DOCK3: variants seen among roughly 807,000 people sequenced by gnomAD.
The protein encoded by DOCK3 is dedicator of cytokinesis protein 3.
Under a neutral mutation model 265.6 loss-of-function variants are expected in DOCK3, and 60 were observed. The ratio of observed to expected loss-of-function variants is 0.23; its 90% confidence interval spans 0.18 to 0.28. The LOEUF is 0.28. DOCK3 is among the 10% of genes least tolerant of loss of function. DOCK3 has a pLI of 1.00. For missense variants in DOCK3, 1,981 were observed against 2,594.3 expected (o/e 0.76, Z 5.14); for synonymous variants, 881 against 938.0 (o/e 0.94, Z 1.11).
rs9874583 is a variant in DOCK3, at chr3:50,970,966, G to A, written c.315+36889G>A. Among the ~76,000 whole-genome samples, 182 of 27,084 alleles carry A rather than the reference G, an allele frequency of 6.7e-3. 9 individuals carry two copies. Among genetic ancestry groups the A allele is most frequent in the East Asian group, 0.015 (7 of 476 alleles). The allele number at this position is 27,084 out of a possible 152,430, so 17.8% of individuals were successfully genotyped here. A position where few individuals can be genotyped will look rare whatever the true frequency, so the allele number is the denominator to read the frequency against. ...ATATATAATGTGTGTGTGTGTGTGT[G>A]TATATATATATATTTTTTTTATTTT... On this transcript the variant is annotated intron_variant, in intron 5 of 52. Coordinates refer to ENST00000266037, the MANE Select transcript of DOCK3 (RefSeq NM_004947.5).
chr3:51,314,411 G>T (rs2083254233), intron 31 of DOCK3, among the ~76,000 whole-genome samples: 1 of 152,160 alleles, frequency 6.6e-6, no homozygotes, highest in Admixed American at 6.5e-5. Flanking sequence ...TTTAGGGTAG[G>T]GCTGTGCAGG....
At chr3:50,784,520 A>G (rs1009303913) in intron 2 of DOCK3, among the ~76,000 whole-genome samples, 1 of 152,020 alleles carries the variant, frequency 6.6e-6, no homozygotes, top group Non-Finnish European at 1.5e-5. Flanking sequence ...TATGAATTGT[A>G]GATTTGTTTT....
chr3:50,917,298 G>A (rs984778052), intron 4 of DOCK3, among the ~76,000 whole-genome samples: 2 of 152,118 alleles, frequency 1.3e-5, no homozygotes, highest in South Asian at 4.2e-4. Context: ...AAATGTCTGG[G>A]CCTGCTATCT....
At position 51,089,278 on chromosome 3, in the gene DOCK3, A is replaced by G. The variant is rs773337006; in HGVS notation, c.585A>G (p.Thr195=). ...GCCGGCAGAGTGTACAGCAAAGCAC[A>G]TCCCAGGTAAGCGGCTTTCCTGGGT... ...LSSRQSVQQS[T]SQVDTMRPRH... is the part of the protein sequence containing the mutation. The change falls in exon 8 of 53, where the codon ACA becomes ACG. Residue 195 remains threonine (T), a synonymous_variant. Coordinates refer to ENST00000266037, the MANE Select transcript of DOCK3 (RefSeq NM_004947.5). 1.2e-5 allele frequency: 19 copies of G among 1,609,556 alleles called. No homozygotes were observed. Among genetic ancestry groups the G allele is most frequent in the Admixed American group, 1.2e-4 (7 of 59,450 alleles).
chr3:50,903,553 T>C (rs1019732692), intron 4 of DOCK3, among the ~76,000 whole-genome samples: 1 of 152,322 alleles, frequency 6.6e-6, no homozygotes, highest in Non-Finnish European at 1.5e-5. Context: ...GATGATCTGC[T>C]GGATTCAATT....
intron 5 of DOCK3, among the ~76,000 whole-genome samples, chr3:51,024,169 G>C (rs948748390): frequency 6.6e-6 from 1 of 152,040 alleles, no homozygotes; most frequent in Non-Finnish European, 1.5e-5. Flanking sequence ...GAAAGTCTTT[G>C]TGCAATGGCT....
At chr3:51,228,560 T>A (rs1458888609) in intron 17 of DOCK3, 101 bp from the exon 18 acceptor site, 1 of 1,347,472 alleles carries the variant, frequency 7.4e-7, no homozygotes, top group Non-Finnish European at 1.0e-6. Flanking sequence ...ACGTTCAGCC[T>A]TAGGAAGATG....
chr3:51,291,264 C>T (rs747986514), intron 27 of DOCK3, among the ~76,000 whole-genome samples: 10 of 151,538 alleles, frequency 6.6e-5, no homozygotes, highest in Non-Finnish European at 1.5e-4. Context: ...AAAAAACTAA[C>T]CCCAAAGTTA....
chr3:50,692,405 C>A (rs533739557), intron 1 of DOCK3, among the ~76,000 whole-genome samples: 2 of 152,084 alleles, frequency 1.3e-5, no homozygotes, highest in African/African-American at 2.4e-5. Flanking sequence ...TCATAAGGAG[C>A]GTGCAACCTA....
chr3:51,258,053 T>C (rs575053864), intron 22 of DOCK3, among the ~76,000 whole-genome samples: 41 of 152,360 alleles, frequency 2.7e-4, no homozygotes, highest in African/African-American at 9.4e-4. Context: ...GCTCCTCTGC[T>C]AGTTGTCTTA....
chr3:50,860,970 C>A (rs1344883157), intron 3 of DOCK3, among the ~76,000 whole-genome samples: 2 of 152,192 alleles, frequency 1.3e-5, no homozygotes, highest in Non-Finnish European at 2.9e-5. Flanking sequence ...ATCTAGGGCT[C>A]CAGGGTCTCC....
rs111737963 is a variant in DOCK3 at position 51,320,151 on chromosome 3, G to A, written c.3402+5023G>A. On this transcript the variant is annotated intron_variant, in intron 32 of 52. Coordinates refer to ENST00000266037, the MANE Select transcript of DOCK3 (RefSeq NM_004947.5). ...ATCTCATTGGGACTGGTTGAACAGT[G>A]GGTGCAGCCCACAGAGGGCGAGCCA... 9.9e-4 allele frequency among the ~76,000 whole-genome samples: 151 copies of A among 152,290 alleles called. 2 individuals carry two copies. The highest frequency in any genetic ancestry group is 4.1e-3 in the East Asian group (21 of 5,170).
chr3:50,877,313 G>T (rs1179416006), intron 3 of DOCK3: 3 of 385,478 alleles, frequency 7.8e-6, no homozygotes, highest in South Asian at 2.0e-5. Flanking sequence ...CTAATGTTGT[G>T]CAATTTTCTT....
At chr3:51,227,182 A>T in intron 15 of DOCK3, 101 bp from the exon 16 acceptor site, 1 of 1,410,260 alleles carries the variant, frequency 7.1e-7, no homozygotes, top group Non-Finnish European at 9.6e-7. Context: ...TTAGAGCAAA[A>T]ATGAGACCTT....
Position 51,246,759 on chromosome 3 carries a change from C to T in DOCK3, c.2136C>T (p.Asp712=). 6.2e-7 allele frequency: 1 copy of T among 1,613,624 alleles called. No homozygotes were observed. The highest frequency in any genetic ancestry group is 1.7e-5 in the Admixed American group (1 of 59,972). ...TCCGCTGTTTGAAGTGGTATATGGACTGCTCAGCAGAACTGATTCGACAGG... is the reference window on the plus strand; with the variant it reads ...TCCGCTGTTTGAAGTGGTATATGGATTGCTCAGCAGAACTGATTCGACAGG... ...ELIRCLKWYM[D]CSAELIRQDH... Residue 712 remains aspartate (D), a synonymous_variant, in exon 22 of 53, where the codon GAC becomes GAT. Transcript: ENST00000266037.
intron 23 of DOCK3, among the ~76,000 whole-genome samples, chr3:51,267,081 T>G (rs11715708): frequency 0.79 from 119,994 of 151,842 alleles, 48,273 homozygotes; most frequent in Middle Eastern, 0.9. Flanking sequence ...TCATCATCAC[T>G]GGTCATTAGA....
intron 1 of DOCK3, among the ~76,000 whole-genome samples, chr3:50,707,774 G>T (rs955918304): frequency 4.6e-5 from 7 of 152,076 alleles, no homozygotes; most frequent in Non-Finnish European, 8.8e-5. Flanking sequence ...CCTGGGTGGT[G>T]TGCATGATGT....
At chr3:50,714,588 T>G (rs2036980345) in intron 1 of DOCK3, among the ~76,000 whole-genome samples, 1 of 152,170 alleles carries the variant, frequency 6.6e-6, no homozygotes, top group Non-Finnish European at 1.5e-5. Context: ...CTCAAGGGAC[T>G]GTAGATGCAT....
At chr3:51,172,179 C>CTT (rs111238598) in intron 12 of DOCK3, among the ~76,000 whole-genome samples, 2 of 137,300 alleles carry the variant, frequency 1.5e-5, no homozygotes, top group South Asian at 2.3e-4. Context: ...AATATCGTTT[C>CTT]TTTTTTTTTT....
Sources: allele counts gnomAD v4.1 joint callset (sites outside exome capture counted in the v4.1 genomes callset), GRCh38; gene constraint gnomAD v4.1.1; transcripts MANE v1.5; gene names NCBI Gene and HGNC (gene_info 2026-07-23, HGNC 2026-07-21).